The following DNAH11 variants were observed in gnomAD, a reference collection of about 807,000 sequenced individuals.
DNAH11 encodes dynein axonemal heavy chain 11, also known as axonemal beta dynein heavy chain 11.
DNAH11 carries 442 observed loss-of-function variants against 526.0 expected under a neutral mutation model. That is an observed-to-expected ratio of 0.84 (90% CI 0.78 to 0.91). The LOEUF (loss-of-function observed/expected upper bound fraction) is 0.91, where lower values mean the gene tolerates loss of function less well. Among genes scored for constraint, DNAH11 ranks in the 40% least tolerant of loss-of-function variants. DNAH11 has a pLI of 0.00. For missense variants in DNAH11, 6,989 were observed against 5,448.7 expected (o/e 1.28, Z -8.90); for synonymous variants, 2,461 against 1,935.9 (o/e 1.27, Z -7.12).
chr7:21,836,487 A>G (rs769788588), intron 65 of DNAH11, among the ~76,000 whole-genome samples: 5 of 152,184 alleles, frequency 3.3e-5, no homozygotes, highest in Non-Finnish European at 7.4e-5. Flanking sequence ...AAGAATACAC[A>G]TTGTGGAAAG....
chr7:21,635,864 A>T lies in DNAH11; in HGVS notation c.4501-7A>T, dbSNP rs62447794. On this transcript the variant is annotated splice_polypyrimidine_tract_variant and splice_region_variant and intron_variant, in intron 25 of 81. Coordinates refer to ENST00000409508, the MANE Select transcript of DNAH11 (RefSeq NM_001277115.2). ...CTACTATTTAAAATTCTTTGCCTTT[A>T]TTTTAGGTTCAGTTGCAGACTCTTC... 7.3e-3 allele frequency: 11,636 copies of T among 1,599,572 alleles called. 50 individuals are homozygous for T. Among genetic ancestry groups the T allele is most frequent in the Non-Finnish European group, 9.3e-3 (10,873 of 1,172,348 alleles).
chr7:21,581,010 T>C (rs1330860316), intron 8 of DNAH11, among the ~76,000 whole-genome samples: 1 of 152,166 alleles, frequency 6.6e-6, no homozygotes, highest in East Asian at 1.9e-4. Context: ...CTACATGAAA[T>C]GTTGTAAGAG....
At chr7:21,802,467 G>T (rs1789037316) in intron 62 of DNAH11, among the ~76,000 whole-genome samples, 5 of 152,026 alleles carry the variant, frequency 3.3e-5, no homozygotes, top group Admixed American at 3.3e-4. Context: ...CTACTCATAG[G>T]TATATACCCT....
intron 8 of DNAH11, among the ~76,000 whole-genome samples, chr7:21,579,310 C>T (rs896725776): frequency 6.6e-6 from 1 of 152,124 alleles, no homozygotes; most frequent in Non-Finnish European, 1.5e-5. Flanking sequence ...ACAGCTATGT[C>T]CTGGGAACTC....
intron 66 of DNAH11, among the ~76,000 whole-genome samples, chr7:21,847,372 G>T (rs1369404724): frequency 6.6e-6 from 1 of 152,052 alleles, no homozygotes; most frequent in South Asian, 2.1e-4. Context: ...CACAAATTTT[G>T]ATATGTTGTA....
intron 76 of DNAH11, among the ~76,000 whole-genome samples, chr7:21,888,736 C>T (rs1473349610): frequency 6.6e-6 from 1 of 152,082 alleles, no homozygotes; most frequent in Non-Finnish European, 1.5e-5. Context: ...GATCTGCCCA[C>T]CTCGGCCTCC....
At position 21,735,648 on chromosome 7, in the gene DNAH11, C is replaced by T. The variant is rs139339343; in HGVS notation, c.7449C>T (p.Leu2483=). The T allele has an allele frequency of 1.6e-4, 256 of 1,584,808 alleles. No individual in the cohort carries two copies. The highest frequency in any genetic ancestry group is 4.8e-4 in the African/African-American group (36 of 74,542). The part of the protein sequence containing the change: ...MDPDVPLQTV[L]VHTTETARLR... ...TCTGTTTCTCCTCCCAGACAGTTCT[C>T]GTTCACACAACAGAGACAGCTCGTC... Residue 2483 remains leucine (L), a synonymous_variant, in exon 46 of 82, where the codon CTC becomes CTT. Coordinates refer to ENST00000409508, the MANE Select transcript of DNAH11 (RefSeq NM_001277115.2).
chr7:21,645,545 A>G (rs1787316450), intron 28 of DNAH11, among the ~76,000 whole-genome samples: 1 of 152,158 alleles, frequency 6.6e-6, no homozygotes, highest in South Asian at 2.1e-4. Context: ...TGAAAGAAGG[A>G]GAGAAATAAA....
chr7:21,842,346 G>A (rs1782236992), intron 65 of DNAH11, among the ~76,000 whole-genome samples, 198 bp from the exon 66 acceptor site: 1 of 152,170 alleles, frequency 6.6e-6, no homozygotes, highest in African/African-American at 2.4e-5. Context: ...CACATATGAG[G>A]AAACTAAATC....
chr7:21,891,140 G>C (rs1490508871), intron 76 of DNAH11, among the ~76,000 whole-genome samples: 1 of 152,090 alleles, frequency 6.6e-6, no homozygotes. Flanking sequence ...AGGTCATATG[G>C]AGCTTATACT....
intron 54 of DNAH11, among the ~76,000 whole-genome samples, chr7:21,762,697 A>G (rs370290993): frequency 1.3e-5 from 2 of 152,224 alleles, no homozygotes; most frequent in African/African-American, 2.4e-5. Flanking sequence ...AAAAAATGTT[A>G]AACCACATGC....
chr7:21,606,984 G>A (rs1334865900), intron 20 of DNAH11, among the ~76,000 whole-genome samples: 4 of 152,132 alleles, frequency 2.6e-5, no homozygotes, highest in African/African-American at 9.7e-5. Flanking sequence ...ATGTATATAG[G>A]AAAGGGCGTT....
At chr7:21,662,303 G>A (rs1328435439) in intron 30 of DNAH11, among the ~76,000 whole-genome samples, 1 of 152,002 alleles carries the variant, frequency 6.6e-6, no homozygotes, top group African/African-American at 2.4e-5. Context: ...AAAGAATTTT[G>A]TAACATGTGT....
At chr7:21,658,775 A>G in intron 29 of DNAH11, 23 bp from the exon 30 acceptor site, 1 of 1,539,728 alleles carries the variant, frequency 6.5e-7, no homozygotes, top group Non-Finnish European at 8.8e-7. Context: ...CCTGTGTTAT[A>G]ACATTTCAAC....
chr7:21,622,482 A>G (rs570198645), intron 25 of DNAH11, among the ~76,000 whole-genome samples: 6 of 152,314 alleles, frequency 3.9e-5, no homozygotes, highest in African/African-American at 1.4e-4. Context: ...TAAAGTTCAT[A>G]TGGCACCAAA....
At chr7:21,868,667 A>G (rs1301509944) in intron 72 of DNAH11, among the ~76,000 whole-genome samples, 197 bp from the exon 73 acceptor site, 1 of 152,208 alleles carries the variant, frequency 6.6e-6, no homozygotes, top group Non-Finnish European at 1.5e-5. Flanking sequence ...CGGCTTTTCT[A>G]ATGCTTGCAA....
In DNAH11 at chr7:21,748,650, A is replaced by T; in HGVS notation, c.8581A>T (p.Lys2861Ter). ...ALLVGVGGSG[K>*]QSLSRLAAYL... Reference sequence around the variant, plus strand: ...CTTGGTTGGAGTTGGGGGCAGTGGCAAGCAGAGCTTGTCCAGGCTGGCAGC... The same window carrying T: ...CTTGGTTGGAGTTGGGGGCAGTGGCTAGCAGAGCTTGTCCAGGCTGGCAGC... Residue 2861 changes from lysine to a stop codon, truncating the protein, a stop_gained, in exon 52 of 82, where the codon AAG becomes TAG. Coordinates refer to ENST00000409508, the MANE Select transcript of DNAH11 (RefSeq NM_001277115.2). LOFTEE classifies it high-confidence loss of function. 6.2e-7 allele frequency: 1 copy of T among 1,613,558 alleles called. No homozygotes were observed.
intron 28 of DNAH11, among the ~76,000 whole-genome samples, chr7:21,652,552 G>C (rs1781826117): frequency 7.8e-6 from 1 of 128,382 alleles, no homozygotes. Flanking sequence ...GGATTTTTTT[G>C]ATCTCCCTGT....
intron 9 of DNAH11, among the ~76,000 whole-genome samples, chr7:21,583,376 G>A (rs1224993276): frequency 6.6e-6 from 1 of 152,146 alleles, no homozygotes; most frequent in African/African-American, 2.4e-5. Context: ...GGGAAAACTG[G>A]CTTGCCATAT....
Sources: allele counts gnomAD v4.1 joint callset (sites outside exome capture counted in the v4.1 genomes callset), GRCh38; gene constraint gnomAD v4.1.1; transcripts MANE v1.5; gene names NCBI Gene and HGNC (gene_info 2026-07-23, HGNC 2026-07-21).